The following CAST variants were observed in gnomAD, a reference collection of about 807,000 sequenced individuals.
The protein encoded by CAST is calpastatin, also known as MIR583 host.
CAST carries 76 observed loss-of-function variants against 119.6 expected under a neutral mutation model. The observed-to-expected ratio is 0.64, with a 90% CI of 0.53 to 0.77. The LOEUF (loss-of-function observed/expected upper bound fraction) is 0.77, where lower values mean the gene tolerates loss of function less well. Ranked by LOEUF, CAST falls within the 30% of genes least tolerant of loss-of-function variation. The pLI is 0.00. For synonymous variants in CAST, 319 were observed against 331.6 expected (o/e 0.96, Z 0.41); for missense variants, 953 against 946.5 (o/e 1.01, Z -0.09).
At chr5:96,075,914 G>A in the CAST span, among the ~76,000 whole-genome samples, 4 of 152,124 alleles carry the variant, frequency 2.6e-5, no homozygotes, top group Non-Finnish European at 4.4e-5. Context: ...CTAGGTTTAA[G>A]CATGTGTGTT....
At chr5:96,558,084 A>G (rs1264655497) in intron 1 of CAST, among the ~76,000 whole-genome samples, 2 of 152,232 alleles carry the variant, frequency 1.3e-5, no homozygotes, top group Non-Finnish European at 2.9e-5. Context: ...TGGAAACTGA[A>G]CAACCTGATC....
the CAST span, among the ~76,000 whole-genome samples, chr5:96,320,327 T>C: frequency 2.1e-5 from 3 of 142,188 alleles, no homozygotes; most frequent in East Asian, 7.0e-4. Flanking sequence ...AACCTCTGCC[T>C]CCTGGGTTCG....
At chr5:96,212,064 T>A in the CAST span, among the ~76,000 whole-genome samples, 1 of 152,160 alleles carries the variant, frequency 6.6e-6, no homozygotes, top group South Asian at 2.1e-4. Context: ...GTAATTGATC[T>A]TCTCAAAGGG....
the CAST span, among the ~76,000 whole-genome samples, chr5:96,487,862 A>G: frequency 6.6e-6 from 1 of 152,210 alleles, no homozygotes; most frequent in African/African-American, 2.4e-5. Context: ...CACCAAACAC[A>G]TAATGTTAAG....
At chr5:96,002,996 G>A in the CAST span, among the ~76,000 whole-genome samples, 1 of 151,998 alleles carries the variant, frequency 6.6e-6, no homozygotes, top group Non-Finnish European at 1.5e-5. Flanking sequence ...AGCACTTTGG[G>A]AGGCCAAGGC....
At chr5:96,283,345 G>A in the CAST span, among the ~76,000 whole-genome samples, 1 of 151,890 alleles carries the variant, frequency 6.6e-6, no homozygotes, top group African/African-American at 2.4e-5. Context: ...GAGTATAAGG[G>A]GCTTCAAAAG....
At chr5:96,532,487 G>A (rs1009213612) in intron 1 of CAST, among the ~76,000 whole-genome samples, 5 of 152,154 alleles carry the variant, frequency 3.3e-5, no homozygotes, top group South Asian at 2.1e-4. Flanking sequence ...GGCCAAGGCC[G>A]GAGGATCACT....
At chr5:96,058,109 T>C in the CAST span, among the ~76,000 whole-genome samples, 1 of 152,100 alleles carries the variant, frequency 6.6e-6, no homozygotes, top group East Asian at 1.9e-4. Flanking sequence ...TAGTTGTTGC[T>C]GTGGTGCATT....
At chr5:96,215,242 A>G in the CAST span, 3 of 152,288 alleles carry the variant, frequency 2.0e-5, no homozygotes, top group Admixed American at 6.5e-5. Flanking sequence ...ATTATTGAGA[A>G]CTCCAAAGAA....
At chr5:96,494,755 A>G in the CAST span, among the ~76,000 whole-genome samples, 2 of 152,298 alleles carry the variant, frequency 1.3e-5, no homozygotes, top group Admixed American at 1.3e-4. Flanking sequence ...AGTGGGAATG[A>G]CCAATACAAT....
the CAST span, among the ~76,000 whole-genome samples, chr5:96,492,858 T>G: frequency 6.6e-6 from 1 of 152,228 alleles, no homozygotes; most frequent in African/African-American, 2.4e-5. Flanking sequence ...ATTACAGCAA[T>G]GTAGCAATAG....
At chr5:95,984,340 C>T in the CAST span, among the ~76,000 whole-genome samples, 1 of 152,022 alleles carries the variant, frequency 6.6e-6, no homozygotes, top group Non-Finnish European at 1.5e-5. Flanking sequence ...TTACTTTCGC[C>T]TTTTAGGTCA....
At chr5:96,483,578 G>A in the CAST span, among the ~76,000 whole-genome samples, 2 of 152,038 alleles carry the variant, frequency 1.3e-5, no homozygotes, top group African/African-American at 4.8e-5. Context: ...TTATTTCCAG[G>A]AAAGTTTTTC....
intron 1 of CAST, among the ~76,000 whole-genome samples, chr5:96,601,915 T>A (rs761347015): frequency 1.1e-4 from 16 of 152,346 alleles, no homozygotes; most frequent in Middle Eastern, 6.8e-3. Flanking sequence ...TGCCACCTAG[T>A]GTCTTAACTA....
the CAST span, among the ~76,000 whole-genome samples, chr5:96,437,023 G>C: frequency 6.6e-6 from 1 of 152,148 alleles, no homozygotes; most frequent in African/African-American, 2.4e-5. Flanking sequence ...GACACGACTT[G>C]GTTGAGTTCC....
At chr5:96,362,450 A>C in the CAST span, among the ~76,000 whole-genome samples, 1 of 152,328 alleles carries the variant, frequency 6.6e-6, no homozygotes, top group South Asian at 2.1e-4. Flanking sequence ...AGTCCCACCA[A>C]CAGTGTAAAA....
At chr5:96,611,271 T>C (rs899708971) in intron 1 of CAST, among the ~76,000 whole-genome samples, 9 of 151,944 alleles carry the variant, frequency 5.9e-5, no homozygotes, top group African/African-American at 2.2e-4. Context: ...CATAGACCCA[T>C]GTAACAGAAT....
the CAST span, chr5:96,408,212 C>A: frequency 6.2e-7 from 1 of 1,600,430 alleles, no homozygotes; most frequent in Non-Finnish European, 8.6e-7. Context: ...TAGAAGCTTT[C>A]TGGGCCTTAC....
At chr5:96,739,997 A>G (rs376314326) in intron 11 of CAST, 41 bp from the exon 12 acceptor site, 2 of 921,318 alleles carry the variant, frequency 2.2e-6, no homozygotes, top group Non-Finnish European at 3.5e-6. Context: ...TTGTCAGGTA[A>G]TTAATTATAT....
Sources: allele counts gnomAD v4.1 joint callset (sites outside exome capture counted in the v4.1 genomes callset), GRCh38; gene constraint gnomAD v4.1.1; transcripts MANE v1.5; gene names NCBI Gene and HGNC (gene_info 2026-07-23, HGNC 2026-07-21).